ARHGEF4: variants seen among roughly 807,000 people sequenced by gnomAD.
ARHGEF4 encodes Rho guanine nucleotide exchange factor 4.
In ARHGEF4, 119 loss-of-function variants were observed where a neutral mutation model predicts 162.0. That is an observed-to-expected ratio of 0.73 (90% CI 0.63 to 0.86). The LOEUF (loss-of-function observed/expected upper bound fraction) is 0.86. ARHGEF4 is among the 40% of genes least tolerant of loss of function. ARHGEF4 has a pLI of 0.00. For synonymous variants in ARHGEF4, 1,014 were observed against 979.9 expected, an observed-to-expected ratio of 1.03 and a Z score of -0.65; for missense variants, 2,488 against 2,456.0, an observed-to-expected ratio of 1.01 and a Z score of -0.28.
At chr2:131,028,908 T>A (rs1689652976) in intron 5 of ARHGEF4, among the ~76,000 whole-genome samples, 1 of 152,116 alleles carries the variant, frequency 6.6e-6, no homozygotes, top group African/African-American at 2.4e-5. Context: ...TAAGAAGAGA[T>A]CAATTTTGGA....
At chr2:131,035,056 G>C in intron 5 of ARHGEF4, 1 of 1,000,974 alleles carries the variant, frequency 1.0e-6, no homozygotes, top group Non-Finnish European at 1.2e-6. Context: ...TGTGCGGCGG[G>C]ATCTCGGGGC....
rs186409942 is a variant in ARHGEF4, at chr2:130,968,167, C to T, written c.3985+21532C>T. Among the ~76,000 whole-genome samples the T allele has an allele frequency of 2.7e-3, 413 of 152,314 alleles. 1 individual carries two copies. The highest frequency in any genetic ancestry group is 3.8e-3 in the Non-Finnish European group (261 of 68,026). On this transcript the variant is annotated intron_variant, in intron 4 of 13. Coordinates refer to ENST00000409359, the MANE Select transcript of ARHGEF4 (RefSeq NM_001367493.1). ...GGCATGGCCCAAGGCCCTAGATACA[C>T]AAAGTGACTCTGATCAGTCAGGATA...
At chr2:130,944,430 C>T (rs1447970479) in intron 3 of ARHGEF4, among the ~76,000 whole-genome samples, 1 of 152,118 alleles carries the variant, frequency 6.6e-6, no homozygotes, top group Non-Finnish European at 1.5e-5. Flanking sequence ...CACACAGGTC[C>T]CTAAAGTTCT....
chr2:130,944,972 T>C (rs1157821108), intron 3 of ARHGEF4, among the ~76,000 whole-genome samples: 1 of 152,174 alleles, frequency 6.6e-6, no homozygotes, highest in African/African-American at 2.4e-5. Flanking sequence ...CTGTTTCTTA[T>C]GTCAGTTTGT....
At chr2:130,930,517 G>T (rs2105101671) in intron 2 of ARHGEF4, among the ~76,000 whole-genome samples, 1 of 152,272 alleles carries the variant, frequency 6.6e-6, no homozygotes, top group African/African-American at 2.4e-5. Flanking sequence ...CTGCATTTCA[G>T]TGAGCATCAG....
rs1170843268 is a variant in ARHGEF4 at position 131,045,817 on chromosome 2, CT to C, written c.5480-220del. On this transcript the variant is annotated intron_variant, in intron 13 of 13. Coordinates refer to ENST00000409359, the MANE Select transcript of ARHGEF4 (RefSeq NM_001367493.1). ...ACATGCCTTTGCACAGGCCACCCCC[CT>C]CTTCAGGCTGCTGCAGGAGGCCAGG... 11 of 1,431,996 alleles carry C rather than the reference CT, an allele frequency of 7.7e-6. No individual in the cohort carries two copies. The East Asian group carries it at 2.8e-4, about 36-fold the overall frequency. 88.7% of individuals were successfully genotyped at this position (1,431,996 alleles called of 1,614,324 possible).
chr2:130,979,524 T>C (rs1260566729), intron 4 of ARHGEF4, among the ~76,000 whole-genome samples: 1 of 151,886 alleles, frequency 6.6e-6, no homozygotes, highest in Non-Finnish European at 1.5e-5. Flanking sequence ...TCACCTGAGG[T>C]CAGGAATTCA....
At chr2:130,926,358 T>A (rs748046989) in intron 2 of ARHGEF4, among the ~76,000 whole-genome samples, 6 of 127,408 alleles carry the variant, frequency 4.7e-5, no homozygotes, top group Non-Finnish European at 1.1e-4. Context: ...TTTAAAATCT[T>A]TGTTTGATAA....
chr2:130,839,286 CCTCCTGGTGT>C (rs1680435965), intron 1 of ARHGEF4, among the ~76,000 whole-genome samples: 1 of 152,286 alleles, frequency 6.6e-6, no homozygotes, highest in Non-Finnish European at 1.5e-5. Context: ...CCGCCTGGTG[CCTCCTGGTGT>C]CCCCAGGGAT....
chr2:131,029,450 AC>A (rs1192928610), intron 5 of ARHGEF4, among the ~76,000 whole-genome samples: 1 of 152,020 alleles, frequency 6.6e-6, no homozygotes, highest in African/African-American at 2.4e-5. Context: ...TCCCAACAAA[AC>A]CTTTCTTTTT....
chr2:130,851,414 A>G (rs993138403), intron 1 of ARHGEF4, among the ~76,000 whole-genome samples: 2 of 152,258 alleles, frequency 1.3e-5, no homozygotes, highest in African/African-American at 4.8e-5. Context: ...TCTTCCCATG[A>G]GACAGGCAGC....
chr2:130,934,556 G>T (rs1275387955), intron 3 of ARHGEF4, among the ~76,000 whole-genome samples: 1 of 151,882 alleles, frequency 6.6e-6, no homozygotes, highest in Non-Finnish European at 1.5e-5. Flanking sequence ...GTTTTGTTTT[G>T]TTTTGAGATG....
chr2:131,046,548 GGA>G lies in ARHGEF4; in HGVS notation c.*360_*361del. On this transcript the variant is annotated 3_prime_UTR_variant, in exon 14 of 14. Transcript: ENST00000409359. ...CTACCTGCGTGGGACCCTCTTCTCT[GGA>G]AACCTAATCCTCCTTTCATTTCCTC... The G allele has an allele frequency of 4.8e-6, 1 of 207,954 alleles. No individual in the cohort carries two copies. The highest frequency in any genetic ancestry group is 9.6e-6 in the Non-Finnish European group (1 of 103,844). 12.9% of individuals were successfully genotyped at this position (207,954 alleles called of 1,614,324 possible). A position where few individuals can be genotyped will look rare whatever the true frequency, so the allele number is the denominator to read the frequency against.
At chr2:130,918,759 A>G (rs1681687830) in intron 2 of ARHGEF4, among the ~76,000 whole-genome samples, 1 of 152,228 alleles carries the variant, frequency 6.6e-6, no homozygotes, top group Admixed American at 6.5e-5. Flanking sequence ...CACTACCAGC[A>G]GGAAATGGCT....
At chr2:131,018,047 G>A (rs1266127868) in intron 4 of ARHGEF4, among the ~76,000 whole-genome samples, 1 of 152,192 alleles carries the variant, frequency 6.6e-6, no homozygotes, top group African/African-American at 2.4e-5. Flanking sequence ...GAGGAATTAA[G>A]TAAGATGAAC....
In ARHGEF4 at chr2:130,867,241, TA is replaced by T. The variant is rs200682837; in HGVS notation, c.39+30250del. 7.0e-3 allele frequency among the ~76,000 whole-genome samples: 1,022 copies of T among 146,018 alleles called. 10 individuals carry two copies. The highest frequency in any genetic ancestry group is 0.021 in the African/African-American group (775 of 37,040). On this transcript the variant is annotated intron_variant, in intron 1 of 13. Coordinates refer to ENST00000409359, the MANE Select transcript of ARHGEF4 (RefSeq NM_001367493.1). Reference sequence around the variant, plus strand: ...GCTCCTTTTAATATATTATTATTATTATTTTTTTTTTTTAATGAGACGGAGT... The same window carrying T: ...GCTCCTTTTAATATATTATTATTATTTTTTTTTTTTTTAATGAGACGGAGT...
intron 1 of ARHGEF4, among the ~76,000 whole-genome samples, chr2:130,883,703 G>A (rs551881060): frequency 8.5e-5 from 13 of 152,228 alleles, no homozygotes; most frequent in Middle Eastern, 3.4e-3. Flanking sequence ...CAGAGCTGCA[G>A]TGAATGATGG....
intron 4 of ARHGEF4, among the ~76,000 whole-genome samples, chr2:131,015,214 C>T (rs554315576): frequency 5.0e-4 from 76 of 152,324 alleles, no homozygotes; most frequent in African/African-American, 1.7e-3. Flanking sequence ...TGCAGCAGAG[C>T]GCATTCCCAC....
At chr2:130,935,881 A>G (rs1426589224) in intron 3 of ARHGEF4, among the ~76,000 whole-genome samples, 1 of 152,212 alleles carries the variant, frequency 6.6e-6, no homozygotes, top group African/African-American at 2.4e-5. Flanking sequence ...AGCCTGACCA[A>G]CCTGGTGAAA....
Sources: gnomAD v4.1 joint callset for allele counts (sites outside exome capture counted in the v4.1 genomes callset) on GRCh38, gnomAD v4.1.1 for gene constraint, MANE v1.5 for transcripts, NCBI Gene and HGNC (gene_info 2026-07-23, HGNC 2026-07-21) for gene names.